SLC16A10: variants seen among roughly 807,000 people sequenced by gnomAD.
SLC16A10 encodes monocarboxylate transporter 10.
Under a neutral mutation model 40.0 loss-of-function variants are expected in SLC16A10, and 27 were observed. The observed-to-expected ratio is 0.67, with a 90% confidence interval of 0.50 to 0.93. The LOEUF is 0.93. Among genes scored for constraint, SLC16A10 ranks in the 40% least tolerant of loss-of-function variants. SLC16A10 has a pLI of 0.00. For missense variants in SLC16A10, 529 were observed against 658.2 expected (o/e 0.80, Z 2.15); for synonymous variants, 213 against 249.8 (o/e 0.85, Z 1.39).
At chr6:111,197,920 G>A (rs1773105839) in intron 3 of SLC16A10, among the ~76,000 whole-genome samples, 1 of 152,056 alleles carries the variant, frequency 6.6e-6, no homozygotes, top group Non-Finnish European at 1.5e-5. Flanking sequence ...CCTCCCACCA[G>A]GTCCCACCTC....
chr6:111,093,607 C>T (rs971823947), intron 1 of SLC16A10, among the ~76,000 whole-genome samples: 8 of 152,168 alleles, frequency 5.3e-5, no homozygotes, highest in African/African-American at 9.7e-5. Flanking sequence ...TTTGCCTTTA[C>T]GCTAAAGAGA....
chr6:111,099,815 A>G (rs1429200767), intron 1 of SLC16A10, among the ~76,000 whole-genome samples: 3 of 151,950 alleles, frequency 2.0e-5, no homozygotes, highest in Admixed American at 1.3e-4. Context: ...TTGAGCCCAG[A>G]AGTTCTAGAG....
chr6:111,125,318 A>G (rs1278743254), intron 1 of SLC16A10, among the ~76,000 whole-genome samples: 1 of 152,192 alleles, frequency 6.6e-6, no homozygotes, highest in African/African-American at 2.4e-5. Flanking sequence ...GGTTTGGAGT[A>G]AACCTTTGTA....
At chr6:111,169,900 G>C (rs1383739547) in intron 1 of SLC16A10, among the ~76,000 whole-genome samples, 9 of 136,796 alleles carry the variant, frequency 6.6e-5, no homozygotes, top group Non-Finnish European at 1.4e-4. Flanking sequence ...CAAGGGTTTT[G>C]TTTTCTTTTC....
intron 1 of SLC16A10, among the ~76,000 whole-genome samples, chr6:111,089,504 A>T (rs1770934585): frequency 6.6e-6 from 1 of 152,214 alleles, no homozygotes; most frequent in Non-Finnish European, 1.5e-5. Flanking sequence ...ATGCATGTGA[A>T]TACGGTACCA....
intron 1 of SLC16A10, among the ~76,000 whole-genome samples, chr6:111,100,044 AT>A (rs931179046): frequency 6.7e-6 from 1 of 148,338 alleles, no homozygotes; most frequent in South Asian, 2.1e-4. Context: ...AAAAAAGGTT[AT>A]TTTTTTTCAG....
At chr6:111,144,186 G>A (rs1772033678) in intron 1 of SLC16A10, among the ~76,000 whole-genome samples, 1 of 151,914 alleles carries the variant, frequency 6.6e-6, no homozygotes, top group South Asian at 2.1e-4. Flanking sequence ...TATATTTGAG[G>A]GAAAATATTT....
At chr6:111,115,212 G>A (rs1771463699) in intron 1 of SLC16A10, among the ~76,000 whole-genome samples, 1 of 151,062 alleles carries the variant, frequency 6.6e-6, no homozygotes, top group African/African-American at 2.4e-5. Context: ...AAGGAAAAAG[G>A]TTTCTTTGTT....
At chr6:111,094,853 C>T (rs887885726) in intron 1 of SLC16A10, among the ~76,000 whole-genome samples, 2 of 152,152 alleles carry the variant, frequency 1.3e-5, no homozygotes, top group African/African-American at 4.8e-5. Context: ...TTTGCTCAGC[C>T]TTGTCTTGAA....
chr6:111,225,519 C>A lies in SLC16A10; in HGVS notation c.*3284C>A, dbSNP rs1770979402. ...GAGGCGAGATTGCGCCACTGCACTC[C>A]AGCCTGGGCGACAGAGCGAGACTCC... On this transcript the variant is annotated 3_prime_UTR_variant, in exon 6 of 6. Transcript: ENST00000368851. 7.0e-6 allele frequency: 1 copy of A among 143,324 alleles called. No homozygotes were observed. Among genetic ancestry groups the A allele is most frequent in the Non-Finnish European group, 1.5e-5 (1 of 67,062 alleles). The allele number at this position is 143,324 out of a possible 1,614,324, so 8.9% of individuals were successfully genotyped here.
chr6:111,178,040 A>C lies in SLC16A10; in HGVS notation c.942+375A>C, dbSNP rs538013521. Among the ~76,000 whole-genome samples the C allele has an allele frequency of 2.2e-4, 34 of 152,348 alleles. No homozygotes were observed. In the South Asian group the frequency reaches 6.8e-3, roughly 31 times the overall value. ...AAAATAAATGTCCCCAAACAAACAC[A>C]ATGTTTTTTAACAGGAAGGCTAAAA... On this transcript the variant is annotated intron_variant, in intron 3 of 5. Coordinates refer to ENST00000368851, the MANE Select transcript of SLC16A10 (RefSeq NM_018593.5).
Position 111,105,743 on chromosome 6 carries a change from G to A in SLC16A10, c.343+17648G>A, listed in dbSNP as rs540583622. 3.9e-5 allele frequency among the ~76,000 whole-genome samples: 6 copies of A among 152,312 alleles called. No homozygotes were observed. In the South Asian group the frequency reaches 8.3e-4, roughly 21 times the overall value. On this transcript the variant is annotated intron_variant, in intron 1 of 5. Coordinates refer to ENST00000368851, the MANE Select transcript of SLC16A10 (RefSeq NM_018593.5). ...GCAGGTTGGCACGGTGCCTGTGTGCGGGCGTGTGTGTTGACTCACGTGCTG... is the reference window on the plus strand; with the variant it reads ...GCAGGTTGGCACGGTGCCTGTGTGCAGGCGTGTGTGTTGACTCACGTGCTG...
chr6:111,152,950 T>G (rs536844265), intron 1 of SLC16A10, among the ~76,000 whole-genome samples: 1 of 152,140 alleles, frequency 6.6e-6, no homozygotes, highest in East Asian at 1.9e-4. Flanking sequence ...GGATACAAGG[T>G]GTGTGTGTGC....
At chr6:111,122,724 G>A (rs1041896636) in intron 1 of SLC16A10, among the ~76,000 whole-genome samples, 2 of 152,166 alleles carry the variant, frequency 1.3e-5, no homozygotes, top group Non-Finnish European at 2.9e-5. Context: ...CCGCATTATT[G>A]AGGGGAGTGG....
In SLC16A10 at chr6:111,212,065, A is replaced by G. The variant is rs116214402; in HGVS notation, c.1086+5330A>G. 9.5e-3 allele frequency among the ~76,000 whole-genome samples: 1,454 copies of G among 152,254 alleles called. 30 individuals are homozygous for G. The highest frequency in any genetic ancestry group is 0.033 in the African/African-American group (1,382 of 41,554). On this transcript the variant is annotated intron_variant, in intron 4 of 5. Coordinates refer to ENST00000368851, the MANE Select transcript of SLC16A10 (RefSeq NM_018593.5). ...CAGCCAGGCCTAGAACACTGGTGACACAGACACACTTCATAGCCCTCCCGC... is the reference window on the plus strand; with the variant it reads ...CAGCCAGGCCTAGAACACTGGTGACGCAGACACACTTCATAGCCCTCCCGC...
Position 111,087,942 on chromosome 6 carries a change from C to A in SLC16A10, c.190C>A (p.Pro64Thr), listed in dbSNP as rs566727234. The A allele has an allele frequency of 9.3e-6, 15 of 1,607,376 alleles. No homozygotes were observed. The highest frequency in any genetic ancestry group is 1.3e-5 in the Non-Finnish European group (15 of 1,177,560). ...ATAEPHEPPE[P>T]PEGGWGWLVM... ...CGCGGAGCCCCATGAGCCCCCCGAA[C>A]CCCCCGAGGGCGGCTGGGGCTGGCT... is the stretch of plus-strand genomic sequence containing the variant. Residue 64 changes from proline (P) to threonine (T), a missense_variant, in exon 1 of 6, where the codon CCC (proline) becomes ACC (threonine). Pro to Thr is a conservative substitution (Grantham distance 38). Transcript: ENST00000368851.
intron 3 of SLC16A10, among the ~76,000 whole-genome samples, chr6:111,193,908 CTG>C (rs1412967183): frequency 1.3e-5 from 2 of 152,286 alleles, no homozygotes; most frequent in African/African-American, 4.8e-5. Context: ...CTGGTGAAAA[CTG>C]TGGATTTATC....
intron 3 of SLC16A10, among the ~76,000 whole-genome samples, chr6:111,192,950 A>G (rs1773020564): frequency 6.6e-6 from 1 of 152,230 alleles, no homozygotes; most frequent in Non-Finnish European, 1.5e-5. Flanking sequence ...AACACAGCCA[A>G]GCCATATTAT....
At chr6:111,155,925 G>C (rs1219422349) in intron 1 of SLC16A10, among the ~76,000 whole-genome samples, 1 of 152,094 alleles carries the variant, frequency 6.6e-6, no homozygotes, top group Non-Finnish European at 1.5e-5. Flanking sequence ...AAACAACCAG[G>C]GCTCCTTGCA....
Sources: gnomAD v4.1 joint callset for allele counts (sites outside exome capture counted in the v4.1 genomes callset) on GRCh38, gnomAD v4.1.1 for gene constraint, MANE v1.5 for transcripts, NCBI Gene and HGNC (gene_info 2026-07-23, HGNC 2026-07-21) for gene names.